REDIC1: variants seen among roughly 807,000 people sequenced by gnomAD.
REDIC1 encodes the protein HEI10 Interacting Protein 1.
the REDIC1 span, among the ~76,000 whole-genome samples, chr12:39,791,160 T>A: frequency 3.3e-5 from 5 of 151,996 alleles, no homozygotes; most frequent in African/African-American, 4.8e-5. Flanking sequence ...TTTTCTCCCA[T>A]CAAAATTCAA....
the REDIC1 span, among the ~76,000 whole-genome samples, chr12:39,834,310 C>T: frequency 6.6e-6 from 1 of 152,016 alleles, no homozygotes; most frequent in African/African-American, 2.4e-5. Flanking sequence ...AATTTTCTCA[C>T]ATTTAAACTC....
the REDIC1 span, among the ~76,000 whole-genome samples, chr12:39,696,521 C>A: frequency 1.0e-5 from 1 of 99,480 alleles, no homozygotes; most frequent in Non-Finnish European, 1.8e-5. Flanking sequence ...CCAGCCTGGG[C>A]GACAGAGCGA....
chr12:39,678,372 C>T, the REDIC1 span, among the ~76,000 whole-genome samples: 1 of 151,904 alleles, frequency 6.6e-6, no homozygotes, highest in Non-Finnish European at 1.5e-5. Flanking sequence ...ATACAACCCT[C>T]CTAGATCAAA....
At chr12:39,707,972 G>A in the REDIC1 span, among the ~76,000 whole-genome samples, 3 of 151,722 alleles carry the variant, frequency 2.0e-5, no homozygotes, top group Non-Finnish European at 2.9e-5. Flanking sequence ...TTGAACTCAT[G>A]GAAATAAGAG....
the REDIC1 span, chr12:39,830,394 G>A: frequency 7.3e-7 from 1 of 1,374,700 alleles, no homozygotes; most frequent in Non-Finnish European, 9.4e-7. Context: ...CCAGGTGAGA[G>A]CTGGCTGGTC....
At chr12:39,685,053 C>T in the REDIC1 span, 4 of 579,506 alleles carry the variant, frequency 6.9e-6, no homozygotes, top group South Asian at 1.5e-4. Flanking sequence ...TGGATGGACT[C>T]TTTTTCTTAT....
chr12:39,713,607 C>T, the REDIC1 span, among the ~76,000 whole-genome samples: 1 of 147,030 alleles, frequency 6.8e-6, no homozygotes. Flanking sequence ...CGTATATATA[C>T]ATATGTATAT....
chr12:39,692,062 A>G, the REDIC1 span: 1 of 1,578,436 alleles, frequency 6.3e-7, no homozygotes, highest in South Asian at 1.2e-5. Context: ...CTGATGGAAG[A>G]AGGAGGAATA....
chr12:39,875,248 C>T, the REDIC1 span, among the ~76,000 whole-genome samples: 1 of 152,132 alleles, frequency 6.6e-6, no homozygotes, highest in Admixed American at 6.6e-5. Flanking sequence ...AAATCATTTC[C>T]TTGTCTTTTG....
chr12:39,819,440 T>C, the REDIC1 span, among the ~76,000 whole-genome samples: 55 of 152,270 alleles, frequency 3.6e-4, no homozygotes, highest in East Asian at 0.01. Flanking sequence ...AAGTGCTCTG[T>C]CCCATAGTTT....
the REDIC1 span, chr12:39,721,440 G>A: frequency 1.3e-5 from 7 of 536,688 alleles, no homozygotes; most frequent in Non-Finnish European, 2.3e-5. Flanking sequence ...TATTTAATTT[G>A]TATATAGCCA....
the REDIC1 span, among the ~76,000 whole-genome samples, chr12:39,709,119 T>C: frequency 4.5e-4 from 69 of 151,770 alleles, no homozygotes; most frequent in Non-Finnish European, 5.3e-4. Context: ...GATTTATCTG[T>C]AGTGCTTTCT....
chr12:39,712,487 T>C, the REDIC1 span, among the ~76,000 whole-genome samples: 4 of 143,022 alleles, frequency 2.8e-5, no homozygotes, highest in Non-Finnish European at 6.2e-5. Flanking sequence ...CATACAGGTA[T>C]ATATACGACG....
chr12:39,817,594 T>C, the REDIC1 span, among the ~76,000 whole-genome samples: 1 of 152,204 alleles, frequency 6.6e-6, no homozygotes, highest in African/African-American at 2.4e-5. Flanking sequence ...GAAACAAAGA[T>C]ACAGAATGCT....
At chr12:39,692,218 A>G in the REDIC1 span, 1 of 1,076,570 alleles carries the variant, frequency 9.3e-7, no homozygotes, top group Non-Finnish European at 1.3e-6. Flanking sequence ...CAACAAATAT[A>G]TATCATGGAT....
chr12:39,712,414 A>ATATG, the REDIC1 span, among the ~76,000 whole-genome samples: 1 of 134,572 alleles, frequency 7.4e-6, no homozygotes, highest in African/African-American at 2.6e-5. Flanking sequence ...ATACATACGT[A>ATATG]TATACATACG....
chr12:39,688,312 A>C, the REDIC1 span, among the ~76,000 whole-genome samples: 1 of 152,216 alleles, frequency 6.6e-6, no homozygotes, highest in Admixed American at 6.5e-5. Flanking sequence ...ATCTGTAAAC[A>C]GGAGGAAGAT....
chr12:39,822,669 T>TA, the REDIC1 span, among the ~76,000 whole-genome samples: 1 of 152,206 alleles, frequency 6.6e-6, no homozygotes, highest in Non-Finnish European at 1.5e-5. Context: ...ATCCTTATAA[T>TA]AAAAATCTTA....
the REDIC1 span, chr12:39,756,315 C>T: frequency 2.0e-5 from 3 of 151,854 alleles, no homozygotes; most frequent in Admixed American, 6.6e-5. Flanking sequence ...TTCTTTTACT[C>T]ATAGATACTG....
Sources: gnomAD v4.1 joint callset for allele counts (sites outside exome capture counted in the v4.1 genomes callset) on GRCh38, gnomAD v4.1.1 for gene constraint, MANE v1.5 for transcripts, NCBI Gene and HGNC (gene_info 2026-07-23, HGNC 2026-07-21) for gene names.